RIOK3: variants seen among roughly 807,000 people sequenced by gnomAD.
RIOK3 encodes the protein serine/threonine-protein kinase RIO3.
A neutral mutation model predicts 63.5 loss-of-function variants in RIOK3; 40 were observed. The observed-to-expected ratio is 0.63, with a 90% CI of 0.49 to 0.82. The LOEUF (loss-of-function observed/expected upper bound fraction) is 0.82. Among genes scored for constraint, RIOK3 ranks in the 40% least tolerant of loss-of-function variants. The pLI is 0.00. For missense variants in RIOK3, 557 were observed against 637.0 expected, an observed-to-expected ratio of 0.87 and a Z score of 1.35; for synonymous variants, 193 against 205.0, an observed-to-expected ratio of 0.94 and a Z score of 0.50.
At chr18:23,464,397 T>G (rs1403618602) in intron 4 of RIOK3, 84 bp downstream of exon 4, 1 of 1,205,396 alleles carries the variant, frequency 8.3e-7, no homozygotes, top group African/African-American at 1.5e-5. Flanking sequence ...TAGTTTTATA[T>G]TTTTCTTTGA....
rs746708166 is a variant in RIOK3, at chr18:23,464,310, C to G, written c.430C>G (p.Pro144Ala). The G allele has an allele frequency of 3.1e-6, 5 of 1,608,830 alleles. No individual in the cohort carries two copies. The highest frequency in any genetic ancestry group is 3.4e-5 in the Admixed American group (2 of 59,400). ...WQDTRDDPYR[P>A]AKPVPTPKKG... ...GGATACTCGTGATGATCCCTACAGA[C>G]CAGGTACCAAAGTTTTTACTTTCTG... Residue 144 changes from proline (P) to alanine (A), a missense_variant, in exon 4 of 13, where the codon CCA becomes GCA. Pro to Ala is a conservative substitution (Grantham distance 27, BLOSUM62 -1). This residue lies in a region of RIOK3 where 243 missense variants were observed against 275.4 expected (regional missense o/e 0.88). Transcript: ENST00000339486.
At chr18:23,464,725 T>C (rs2057394982) in intron 5 of RIOK3, 97 bp downstream of exon 5, 1 of 600,056 alleles carries the variant, frequency 1.7e-6, no homozygotes, top group African/African-American at 1.9e-5. Flanking sequence ...TTTCTAAAAA[T>C]GTCTTTCTTT....
chr18:23,466,336 T>C, intron 6 of RIOK3, 60 bp downstream of exon 6: 1 of 1,336,310 alleles, frequency 7.5e-7, no homozygotes, highest in Non-Finnish European at 1.0e-6. Flanking sequence ...TTAGAAAACT[T>C]TGGGTAAAGA....
rs755497119 is a variant in RIOK3, at chr18:23,479,401, A to G, written c.1429A>G (p.Asn477Asp). 3 of 1,613,160 alleles carry G rather than the reference A, an allele frequency of 1.9e-6. No homozygotes were observed. Among genetic ancestry groups the G allele is most frequent in the South Asian group, 1.1e-5 (1 of 91,048 alleles). ...TTCAGGCTTAAACATCACAGCAGATAATGAAGCTGATTTTTTAGCTGAGGT... is the reference window on the plus strand; with the variant it reads ...TTCAGGCTTAAACATCACAGCAGATGATGAAGCTGATTTTTTAGCTGAGGT... ...AVSGLNITADNEADFLAEIEA... is the reference protein window; with the variant it reads ...AVSGLNITADDEADFLAEIEA... Residue 477 changes from asparagine (N) to aspartate (D), a missense_variant, in exon 12 of 13, where the codon AAT becomes GAT. Around this residue, in one of 3 missense-constraint regions of RIOK3, gnomAD observed 309 missense variants for 338.7 expected, o/e 0.91. Coordinates refer to ENST00000339486, the MANE Select transcript of RIOK3 (RefSeq NM_003831.5).
intron 2 of RIOK3, chr18:23,463,294 G>A (rs755606702): frequency 4.8e-5 from 19 of 395,764 alleles, no homozygotes; most frequent in Admixed American, 1.8e-4. Flanking sequence ...GTTATATCGC[G>A]TTAATGCTGC....
At position 23,481,316 on chromosome 18, in the gene RIOK3, G is replaced by C. The variant is rs757357448; in HGVS notation, c.*37G>C. ...ACTGCTTCAGTGTTAACACAGCAGT[G>C]ATTGTCAGCTGCCAATAGCAAATGA... On this transcript the variant is annotated 3_prime_UTR_variant, in exon 13 of 13. Coordinates refer to ENST00000339486, the MANE Select transcript of RIOK3 (RefSeq NM_003831.5). The C allele has an allele frequency of 7.9e-7, 1 of 1,263,550 alleles. No individual in the cohort carries two copies. Among genetic ancestry groups the C allele is most frequent in the African/African-American group, 1.5e-5 (1 of 64,930 alleles). 78.3% of individuals were successfully genotyped at this position (1,263,550 alleles called of 1,614,324 possible).
intron 11 of RIOK3, 144 bp downstream of exon 11, chr18:23,477,412 T>A: frequency 1.5e-6 from 1 of 673,850 alleles, no homozygotes; most frequent in Admixed American, 2.5e-5. Flanking sequence ...GATATAAAGA[T>A]CAATTTGTCA....
chr18:23,459,311 C>T (rs771744799), intron 1 of RIOK3, among the ~76,000 whole-genome samples: 4 of 152,180 alleles, frequency 2.6e-5, no homozygotes, highest in African/African-American at 7.2e-5. Flanking sequence ...TGTAGAAAGG[C>T]GTCAGACCTC....
chr18:23,455,292 C>G (rs994818060), intron 1 of RIOK3, among the ~76,000 whole-genome samples: 6 of 151,856 alleles, frequency 4.0e-5, no homozygotes, highest in African/African-American at 1.5e-4. Context: ...CCAGGCTGGT[C>G]TCAAACTCCG....
chr18:23,461,553 T>C (rs1193468452), intron 1 of RIOK3, among the ~76,000 whole-genome samples: 1 of 152,238 alleles, frequency 6.6e-6, no homozygotes, highest in Non-Finnish European at 1.5e-5. Flanking sequence ...AGGAGATGCT[T>C]AGGCATCTTA....
intron 12 of RIOK3, among the ~76,000 whole-genome samples, chr18:23,480,238 T>C (rs1252020648): frequency 1.3e-5 from 2 of 152,208 alleles, no homozygotes; most frequent in African/African-American, 2.4e-5. Flanking sequence ...AGAGAGTGAT[T>C]ACTGAGTCTG....
chr18:23,476,132 G>A (rs1259155769), intron 9 of RIOK3, among the ~76,000 whole-genome samples: 1 of 151,982 alleles, frequency 6.6e-6, no homozygotes, highest in African/African-American at 2.4e-5. Context: ...AGCAGGTCTG[G>A]TCTCATCATA....
Position 23,464,065 on chromosome 18 carries a change from A to T in RIOK3, c.278A>T (p.Asp93Val). Residue 93 changes from aspartate (D) to valine (V), a missense_variant, in exon 3 of 13, where the codon GAT becomes GTT. Asp to Val is a radical substitution (Grantham distance 152, BLOSUM62 -3). This residue lies in a region of RIOK3 where 243 missense variants were observed against 275.4 expected (regional missense o/e 0.88). Coordinates refer to ENST00000339486, the MANE Select transcript of RIOK3 (RefSeq NM_003831.5). ...MLQMEYDREY[D>V]AQLRREEKKF... ...CAGATGGAATATGACAGAGAATATGATGCACAGCTTAGGCGTGAAGAAAAA... is the reference window on the plus strand; with the variant it reads ...CAGATGGAATATGACAGAGAATATGTTGCACAGCTTAGGCGTGAAGAAAAA... The T allele has an allele frequency of 1.9e-6, 3 of 1,613,640 alleles. No individual in the cohort carries two copies. The highest frequency in any genetic ancestry group is 2.5e-6 in the Non-Finnish European group (3 of 1,179,798).
chr18:23,480,551 G>GCACACA (rs1362909473), intron 12 of RIOK3, among the ~76,000 whole-genome samples: 57 of 46,874 alleles, frequency 1.2e-3, no homozygotes, highest in African/African-American at 2.4e-3. Context: ...ATACTTGGAT[G>GCACACA]CACGCACACA....
Position 23,477,227 on chromosome 18 carries a change from G to T in RIOK3, c.1303G>T (p.Gly435Cys), listed in dbSNP as rs749379172. 8.1e-6 allele frequency: 13 copies of T among 1,614,128 alleles called. No individual in the cohort carries two copies. Among genetic ancestry groups the T allele is most frequent in the Non-Finnish European group, 1.1e-5 (13 of 1,180,010 alleles). Residue 435 changes from glycine (G) to cysteine (C), a missense_variant, in exon 11 of 13, where the codon GGC (glycine) becomes TGC (cysteine). Coordinates refer to ENST00000339486, the MANE Select transcript of RIOK3 (RefSeq NM_003831.5). Reference sequence around the variant, plus strand: ...GTCAGTAGAACCTACCCACCCTCACGGCCTGGAGTTCTTGTTCCGGGACTG... The same window carrying T: ...GTCAGTAGAACCTACCCACCCTCACTGCCTGGAGTTCTTGTTCCGGGACTG... ...SQSVEPTHPH[G>C]LEFLFRDCRN...
At chr18:23,478,982 C>T in intron 11 of RIOK3, 1 of 240,030 alleles carries the variant, frequency 4.2e-6, no homozygotes, top group South Asian at 6.1e-5. Flanking sequence ...TGAGTATAGT[C>T]CAGCTTGGAA....
At chr18:23,457,029 A>T (rs1367349060) in intron 1 of RIOK3, among the ~76,000 whole-genome samples, 1 of 152,350 alleles carries the variant, frequency 6.6e-6, no homozygotes, top group East Asian at 1.9e-4. Flanking sequence ...ATCAGTGATG[A>T]TGTCATCACA....
chr18:23,477,638 C>G (rs1240516401), intron 11 of RIOK3, among the ~76,000 whole-genome samples: 1 of 151,370 alleles, frequency 6.6e-6, no homozygotes, highest in African/African-American at 2.4e-5. Flanking sequence ...TGGCAGGCGC[C>G]TGTAATCCCA....
chr18:23,467,494 G>C lies in RIOK3; in HGVS notation c.783G>C (p.Lys261Asn), dbSNP rs1366551175. ...TCACTGGCTGTATTAGTACAGGAAAGGAGTCTGTTGTCTTTCATGCATATG... is the reference window on the plus strand; with the variant it reads ...TCACTGGCTGTATTAGTACAGGAAACGAGTCTGTTGTCTTTCATGCATATG... ...ETITGCISTGKESVVFHAYGG... is the reference protein window; with the variant it reads ...ETITGCISTGNESVVFHAYGG... Residue 261 changes from lysine (K) to asparagine (N), a missense_variant, in exon 7 of 13, where the codon AAG becomes AAC. By Grantham distance (94) the Lys-to-Asn change is moderately conservative. Transcript: ENST00000339486. 1 of 1,613,472 alleles carries C rather than the reference G, an allele frequency of 6.2e-7. No individual in the cohort carries two copies. The highest frequency in any genetic ancestry group is 2.2e-5 in the East Asian group (1 of 44,846).
Sources: allele counts gnomAD v4.1 joint callset (sites outside exome capture counted in the v4.1 genomes callset), GRCh38; gene constraint gnomAD v4.1.1; regional missense constraint gnomAD v4.1.1; transcripts MANE v1.5; gene names NCBI Gene and HGNC (gene_info 2026-07-23, HGNC 2026-07-21).